RGS3: variants seen among roughly 807,000 people sequenced by gnomAD.
RGS3 encodes regulator of G protein signaling 3, also known as regulator of G-protein signalling 3.
RGS3 carries 80 observed loss-of-function variants against 132.6 expected under a neutral mutation model. The ratio of observed to expected loss-of-function variants is 0.60; its 90% CI spans 0.50 to 0.73. The LOEUF (loss-of-function observed/expected upper bound fraction) is 0.73. RGS3 is among the 30% of genes least tolerant of loss of function. RGS3 has a pLI of 0.00. For missense variants in RGS3, 1,382 were observed against 1,530.8 expected (o/e 0.90, Z 1.62); for synonymous variants, 598 against 620.6 (o/e 0.96, Z 0.54).
chr9:113,565,636 G>A lies in RGS3; in HGVS notation c.2038-17814G>A, dbSNP rs918841240. The A allele has an allele frequency of 1.0e-4, 28 of 276,338 alleles. No individual in the cohort carries two copies. The Admixed American group carries it at 1.1e-3, about 11-fold the overall frequency. The allele number at this position is 276,338 out of a possible 1,614,324, so 17.1% of individuals were successfully genotyped here. A position where few individuals can be genotyped will look rare whatever the true frequency, so the allele number is the denominator to read the frequency against. ...GCCAGGAGCTGCCACAGCCACGGCC[G>A]CCCGCCTGCGGGAGGAGCCGGGTGG... is the stretch of plus-strand genomic sequence containing the variant. On this transcript the variant is annotated intron_variant, in intron 19 of 24. Coordinates refer to ENST00000350696, the Ensembl canonical transcript of RGS3. This position sits in a 1 kb window ranked among gnomAD's most constrained non-coding sequence, Gnocchi z 5.7.
intron 15 of RGS3, among the ~76,000 whole-genome samples, chr9:113,515,767 C>T (rs890605933): frequency 1.3e-5 from 2 of 152,178 alleles, no homozygotes; most frequent in South Asian, 2.1e-4. Context: ...TATTTTATAT[C>T]ATGTTGCCTT....
chr9:113,482,456 G>A (rs902066045), intron 4 of RGS3, among the ~76,000 whole-genome samples: 7 of 152,164 alleles, frequency 4.6e-5, no homozygotes, highest in African/African-American at 1.7e-4. Flanking sequence ...TCATGCCTGG[G>A]TCCGTCCACC....
At chr9:113,510,807 T>G (rs1427465664) in intron 14 of RGS3, among the ~76,000 whole-genome samples, 1 of 152,228 alleles carries the variant, frequency 6.6e-6, no homozygotes, top group East Asian at 1.9e-4. Context: ...CTGACCTTAC[T>G]TTATGTATTC....
rs182432447 is a variant in RGS3 at position 113,533,204 on chromosome 9, C to T, written c.1915-3592C>T. Among the ~76,000 whole-genome samples the T allele has an allele frequency of 1.7e-3, 252 of 151,940 alleles. 1 individual carries two copies. Among genetic ancestry groups the T allele is most frequent in the African/African-American group, 5.8e-3 (241 of 41,456 alleles). Reference sequence around the variant, plus strand: ...TGCCTCTTCACTGCATTGCCAAGATCAGCATGAGATCGTGGGTGGGAAAAT... The same window carrying T: ...TGCCTCTTCACTGCATTGCCAAGATTAGCATGAGATCGTGGGTGGGAAAAT... On this transcript the variant is annotated intron_variant, in intron 18 of 24. Coordinates refer to ENST00000350696, the Ensembl canonical transcript of RGS3.
intron 15 of RGS3, chr9:113,517,340 T>C (rs769020094): frequency 2.9e-6 from 2 of 683,800 alleles, no homozygotes; most frequent in South Asian, 3.0e-5. Context: ...CAGCAACAGT[T>C]CCACAGGACA....
Position 113,507,741 on chromosome 9 carries a change from C to T in RGS3, c.1437+103C>T, listed in dbSNP as rs1256089900. 1.3e-5 allele frequency: 13 copies of T among 973,480 alleles called. No individual in the cohort carries two copies. In the Admixed American group the frequency reaches 3.7e-4, roughly 28 times the overall value. The allele number at this position is 973,480 out of a possible 1,614,324, so 60.3% of individuals were successfully genotyped here. A position where few individuals can be genotyped will look rare whatever the true frequency, so the allele number is the denominator to read the frequency against. ...TGTGTGATGAGCAGCCTGTGAGGGG[C>T]TGCGATGTTGGGCAAGGAGATGGGG... On this transcript the variant is annotated intron_variant, in intron 13 of 24. Transcript: ENST00000350696. This position sits in a 1 kb window ranked among gnomAD's most constrained non-coding sequence, Gnocchi z 5.0.
At chr9:113,512,563 T>A (rs1276248489) in intron 14 of RGS3, among the ~76,000 whole-genome samples, 1 of 152,116 alleles carries the variant, frequency 6.6e-6, no homozygotes, top group Non-Finnish European at 1.5e-5. Flanking sequence ...AGGAAGCAAG[T>A]GTGAAACCTT....
chr9:113,486,918 G>A (rs79261692), intron 7 of RGS3, among the ~76,000 whole-genome samples: 76 of 152,136 alleles, frequency 5.0e-4, no homozygotes, highest in Non-Finnish European at 8.5e-4. Context: ...CATTTCCTGG[G>A]TATCACTGTG....
chr9:113,580,473 C>T (rs935829469), intron 19 of RGS3, among the ~76,000 whole-genome samples: 2 of 152,234 alleles, frequency 1.3e-5, no homozygotes, highest in Non-Finnish European at 2.9e-5. Context: ...CTCAAATAGT[C>T]CTGTGAGTCC....
chr9:113,454,623 C>T (rs1260188060), intron 1 of RGS3, among the ~76,000 whole-genome samples: 1 of 148,902 alleles, frequency 6.7e-6, no homozygotes, highest in Admixed American at 6.7e-5. Context: ...CAAAACAAAA[C>T]AAAACAAAAC....
intron 19 of RGS3, among the ~76,000 whole-genome samples, chr9:113,542,977 C>T (rs1246239444): frequency 3.3e-5 from 5 of 152,154 alleles, no homozygotes; most frequent in Admixed American, 2.6e-4. Flanking sequence ...AGGGGACAGC[C>T]GTTTGAGCCC....
intron 23 of RGS3, 24 bp from the exon 22 acceptor site, chr9:113,595,575 C>T (rs371279565): frequency 1.9e-6 from 3 of 1,610,106 alleles, no homozygotes; most frequent in Non-Finnish European, 2.5e-6. Flanking sequence ...TTGCCTCTTA[C>T]CCCAGGATCC....
At chr9:113,553,382 G>T (rs1833418535) in intron 19 of RGS3, among the ~76,000 whole-genome samples, 1 of 140,556 alleles carries the variant, frequency 7.1e-6, no homozygotes, top group Non-Finnish European at 1.5e-5. Context: ...GGCCAAGGCT[G>T]CAGTGAGCTG....
At chr9:113,468,431 C>T (rs999557695) in intron 3 of RGS3, among the ~76,000 whole-genome samples, 5 of 152,170 alleles carry the variant, frequency 3.3e-5, no homozygotes, top group African/African-American at 1.2e-4. Flanking sequence ...ATTCCAGTAT[C>T]ATACTGTCTT....
In RGS3 at chr9:113,585,637, A is replaced by G. The variant is rs1564612858; in HGVS notation, c.3015+1210A>G. On this transcript the variant is annotated intron_variant, in intron 20 of 24. Coordinates refer to ENST00000350696, the Ensembl canonical transcript of RGS3. ...AAGGATGAACAGGATTAGAATAAAC[A>G]GAGAGGTAGAGGCAAGCATTCTTTG... Among the ~76,000 whole-genome samples the G allele has an allele frequency of 4.6e-5, 7 of 152,376 alleles. No individual in the cohort carries two copies. The South Asian group carries it at 1.2e-3, about 27-fold the overall frequency.
At chr9:113,538,280 G>A (rs924139570) in intron 19 of RGS3, among the ~76,000 whole-genome samples, 6 of 152,212 alleles carry the variant, frequency 3.9e-5, no homozygotes, top group African/African-American at 1.2e-4. Flanking sequence ...GGTTGCCACT[G>A]TCAGGTTCTT....
Position 113,525,330 on chromosome 9 carries a change from G to T in RGS3, c.1870+2289G>T, listed in dbSNP as rs1832153439. ...CCCCCAGCTGCCCCCACTCCCCTGA[G>T]ACAGGCTTGTGGGCCCAGAGGCTCA... On this transcript the variant is annotated intron_variant, in intron 17 of 24. Transcript: ENST00000350696. Among the ~76,000 whole-genome samples, 3 of 152,156 alleles carry T rather than the reference G, an allele frequency of 2.0e-5. No individual in the cohort carries two copies. The South Asian group carries it at 6.2e-4, about 31-fold the overall frequency.
intron 23 of RGS3, 172 bp from the exon 22 acceptor site, chr9:113,595,425 AAG>A (rs1356751845): frequency 3.1e-6 from 2 of 636,262 alleles, no homozygotes; most frequent in Admixed American, 2.9e-5. Context: ...GAGACCCTGA[AAG>A]AGGCAGTGGC....
rs750696852 is a variant in RGS3, at chr9:113,594,544, T to C, written c.3182+13T>C. 1 of 1,604,542 alleles carries C rather than the reference T, an allele frequency of 6.2e-7. No individual in the cohort carries two copies. Among genetic ancestry groups the C allele is most frequent in the Non-Finnish European group, 8.5e-7 (1 of 1,172,302 alleles). Reference sequence around the variant, plus strand: ...TGAAGTCATTCAAGTAGGTCCTCCCTGGCACCCTGGGACCCTTTGGGGAAC... The same window carrying C: ...TGAAGTCATTCAAGTAGGTCCTCCCCGGCACCCTGGGACCCTTTGGGGAAC... On this transcript the variant is annotated intron_variant, in intron 22 of 24. Transcript: ENST00000350696.
Sources: gnomAD v4.1 joint callset for allele counts (sites outside exome capture counted in the v4.1 genomes callset) on GRCh38, gnomAD v4.1.1 for gene constraint, Gnocchi (gnomAD v3.1) non-coding constraint, MANE v1.5 for transcripts, NCBI Gene and HGNC (gene_info 2026-07-23, HGNC 2026-07-21) for gene names.